Variants in CAT observed in about 807,000 individuals in gnomAD.
CAT encodes the protein epididymis secretory sperm binding protein.
A neutral mutation model predicts 59.0 loss-of-function variants in CAT; 43 were observed. That is an observed-to-expected ratio of 0.73 (90% CI 0.57 to 0.94). The LOEUF (loss-of-function observed/expected upper bound fraction) is 0.94. CAT is among the 40% of genes least tolerant of loss of function. The pLI, the probability that CAT is intolerant of heterozygous loss-of-function variation, is 0.00. For missense variants in CAT, 664 were observed against 682.9 expected, an observed-to-expected ratio of 0.97 and a Z score of 0.31; for synonymous variants, 218 against 230.9, an observed-to-expected ratio of 0.94 and a Z score of 0.51.
chr11:34,447,137 G>A (rs939853692), intron 1 of CAT, among the ~76,000 whole-genome samples: 6 of 152,158 alleles, frequency 3.9e-5, no homozygotes, highest in Admixed American at 1.3e-4. Context: ...GTTTGCTCTG[G>A]CTCTCTAATT....
Position 34,471,350 on chromosome 11 carries a change from C to T in CAT, c.1519-18C>T. The T allele has an allele frequency of 6.2e-7, 1 of 1,610,704 alleles. No homozygotes were observed. Among genetic ancestry groups the T allele is most frequent in the Non-Finnish European group, 8.5e-7 (1 of 1,176,852 alleles). ...CCCATGAGGTGATTAACCTGCTCAT[C>T]TTGTTCTTTTAAAACAGAATGCGAT... On this transcript the variant is annotated intron_variant, in intron 12 of 12. Transcript: ENST00000241052.
At position 34,456,112 on chromosome 11, in the gene CAT, A is replaced by G; in HGVS notation, c.813A>G (p.Thr271=). 3.7e-6 allele frequency: 6 copies of G among 1,614,146 alleles called. No individual in the cohort carries two copies. Among genetic ancestry groups the G allele is most frequent in the South Asian group, 1.1e-5 (1 of 91,072 alleles). The change falls in exon 7 of 13, where the codon ACA becomes ACG. Residue 271 remains threonine (T), a synonymous_variant. Coordinates refer to ENST00000241052, the MANE Select transcript of CAT (RefSeq NM_001752.4). ...GIRDLFNAIA[T]GKYPSWTFYI... is the part of the protein sequence containing the mutation. ...GGGATCTTTTTAACGCCATTGCCAC[A>G]GGAAAGTACCCCTCCTGGACTTTTT...
intron 1 of CAT, among the ~76,000 whole-genome samples, chr11:34,444,464 G>A (rs1474802969): frequency 6.6e-6 from 1 of 152,222 alleles, no homozygotes; most frequent in Non-Finnish European, 1.5e-5. Context: ...CACAGACCAA[G>A]AAATTTGAAG....
At chr11:34,465,155 A>T (rs1477087481) in intron 10 of CAT, among the ~76,000 whole-genome samples, 2 of 152,228 alleles carry the variant, frequency 1.3e-5, no homozygotes, top group African/African-American at 2.4e-5. Flanking sequence ...AGTTAAAGGT[A>T]TAGTTGTTCT....
chr11:34,449,411 G>T, intron 2 of CAT, 48 bp downstream of exon 2: 1 of 1,519,156 alleles, frequency 6.6e-7, no homozygotes, highest in Non-Finnish European at 9.1e-7. Context: ...CACAGCACCT[G>T]GGTCAAGTGT....
intron 10 of CAT, among the ~76,000 whole-genome samples, chr11:34,465,995 T>C (rs772703891): frequency 2.6e-5 from 4 of 152,218 alleles, no homozygotes; most frequent in Non-Finnish European, 4.4e-5. Flanking sequence ...TTGTAAGCAC[T>C]GGTCCAGAAG....
At chr11:34,464,081 C>T (rs1203264094) in intron 9 of CAT, 24 bp from the exon 10 acceptor site, 2 of 1,613,686 alleles carry the variant, frequency 1.2e-6, no homozygotes, top group African/African-American at 2.7e-5. Flanking sequence ...TTCCTAAGTG[C>T]ATCTGGGTGG....
chr11:34,449,467 C>A (rs1488350499), intron 2 of CAT, 104 bp downstream of exon 2: 28 of 967,596 alleles, frequency 2.9e-5, no homozygotes, highest in Admixed American at 4.2e-5. Flanking sequence ...TGTCAAATCT[C>A]CATTTGTGGG....
intron 1 of CAT, among the ~76,000 whole-genome samples, chr11:34,441,313 C>T (rs1396696781): frequency 6.6e-6 from 1 of 152,194 alleles, no homozygotes; most frequent in Non-Finnish European, 1.5e-5. Context: ...CTACAAGGAA[C>T]ATTTTGCCCT....
At chr11:34,463,779 G>A (rs1212218870) in intron 9 of CAT, among the ~76,000 whole-genome samples, 1 of 152,186 alleles carries the variant, frequency 6.6e-6, no homozygotes, top group Non-Finnish European at 1.5e-5. Context: ...AATCAAGCCT[G>A]TATAAACTTC....
At chr11:34,459,760 G>A (rs1025962430) in intron 8 of CAT, among the ~76,000 whole-genome samples, 1 of 152,214 alleles carries the variant, frequency 6.6e-6, no homozygotes, top group Non-Finnish European at 1.5e-5. Flanking sequence ...CACAAAATCA[G>A]AATTAGGTGA....
chr11:34,464,450 T>A (rs1437785614), intron 10 of CAT, among the ~76,000 whole-genome samples: 1 of 152,174 alleles, frequency 6.6e-6, no homozygotes, highest in East Asian at 1.9e-4. Context: ...GCAGACTCCG[T>A]CTCAGTTTCT....
intron 10 of CAT, among the ~76,000 whole-genome samples, chr11:34,465,348 AAAG>A (rs1456255427): frequency 6.6e-6 from 1 of 152,220 alleles, no homozygotes; most frequent in Non-Finnish European, 1.5e-5. Context: ...TATATATAAA[AAAG>A]AAATTACATT....
intron 1 of CAT, among the ~76,000 whole-genome samples, chr11:34,441,919 G>T (rs1856395387): frequency 6.6e-6 from 1 of 152,230 alleles, no homozygotes; most frequent in African/African-American, 2.4e-5. Flanking sequence ...AAGTGAATGT[G>T]TTATGAGAAA....
chr11:34,462,983 T>A (rs1194370230), intron 9 of CAT, among the ~76,000 whole-genome samples: 1 of 152,226 alleles, frequency 6.6e-6, no homozygotes, highest in Non-Finnish European at 1.5e-5. Flanking sequence ...ATAATTGGGC[T>A]CTATAATAGT....
At chr11:34,439,343 A>G (rs919782192) in intron 1 of CAT, among the ~76,000 whole-genome samples, 7 of 152,178 alleles carry the variant, frequency 4.6e-5, no homozygotes, top group African/African-American at 1.4e-4. Flanking sequence ...ACTTTTGCCA[A>G]CTGGGACAGA....
At position 34,471,045 on chromosome 11, in the gene CAT, A is replaced by ATTAC. The variant is rs1856767835; in HGVS notation, c.1518+4_1518+5insTTAC. 1 of 1,613,412 alleles carries ATTAC rather than the reference A, an allele frequency of 6.2e-7. No individual in the cohort carries two copies. The highest frequency in any genetic ancestry group is 8.5e-7 in the Non-Finnish European group (1 of 1,179,284). On this transcript the variant is annotated splice_donor_region_variant and intron_variant, in intron 12 of 12. Coordinates refer to ENST00000241052, the MANE Select transcript of CAT (RefSeq NM_001752.4). Reference sequence around the variant, plus strand: ...GTACAATGCTGAGAAGCCTAAGGTAAGCTGGGAGCAGCCTGGCCATGCAGA... The same window carrying ATTAC: ...GTACAATGCTGAGAAGCCTAAGGTAATTACGCTGGGAGCAGCCTGGCCATGCAGA...
At chr11:34,445,215 C>T (rs1008519619) in intron 1 of CAT, among the ~76,000 whole-genome samples, 27 of 152,120 alleles carry the variant, frequency 1.8e-4, no homozygotes, top group African/African-American at 5.1e-4. Flanking sequence ...ACAGGCTGGG[C>T]GCGGTGGCTC....
At position 34,471,634 on chromosome 11, in the gene CAT, C is replaced by A; in HGVS notation, c.*201C>A. ...AAAATGAAGGTTAGGATTTAACAGT[C>A]ATTTAAAAAAAAAATTTGTTTTGAC... On this transcript the variant is annotated 3_prime_UTR_variant, in exon 13 of 13. Transcript: ENST00000241052. 1 of 569,664 alleles carries A rather than the reference C, an allele frequency of 1.8e-6. No homozygotes were observed. The allele number at this position is 569,664 out of a possible 1,614,324, so 35.3% of individuals were successfully genotyped here.
Sources: gnomAD v4.1 joint callset for allele counts (sites outside exome capture counted in the v4.1 genomes callset) on GRCh38, gnomAD v4.1.1 for gene constraint, MANE v1.5 for transcripts, NCBI Gene and HGNC (gene_info 2026-07-23, HGNC 2026-07-21) for gene names.